SPHKAP: variants seen among roughly 807,000 people sequenced by gnomAD.
SPHKAP encodes the protein A-kinase anchor protein SPHKAP.
A neutral mutation model predicts 137.5 loss-of-function variants in SPHKAP; 67 were observed. That is an observed-to-expected ratio of 0.49 (90% CI 0.40 to 0.60). The LOEUF is 0.60. Among genes scored for constraint, SPHKAP ranks in the 20% least tolerant of loss-of-function variants. The pLI is 0.00. For missense variants in SPHKAP, 2,097 were observed against 2,069.3 expected, an observed-to-expected ratio of 1.01 and a Z score of -0.26; for synonymous variants, 813 against 785.3, an observed-to-expected ratio of 1.04 and a Z score of -0.59.
chr2:228,104,138 C>T (rs990842856), intron 3 of SPHKAP, among the ~76,000 whole-genome samples: 5 of 149,772 alleles, frequency 3.3e-5, no homozygotes, highest in Admixed American at 6.7e-5. Flanking sequence ...TTCTTGAAAA[C>T]TTCATAACTA....
At chr2:228,162,862 CTAATTTTTG>C (rs1194125565) in intron 1 of SPHKAP, among the ~76,000 whole-genome samples, 1 of 149,426 alleles carries the variant, frequency 6.7e-6, no homozygotes, top group Non-Finnish European at 1.5e-5. Flanking sequence ...CCACACCTGG[CTAATTTTTG>C]TAATTTTAGT....
chr2:228,024,677 T>G (rs1157538800), intron 5 of SPHKAP, among the ~76,000 whole-genome samples: 1 of 152,142 alleles, frequency 6.6e-6, no homozygotes, highest in Non-Finnish European at 1.5e-5. Flanking sequence ...GAAGAACAAT[T>G]TGTGGAAAAC....
intron 5 of SPHKAP, among the ~76,000 whole-genome samples, chr2:228,024,857 G>A (rs894127579): frequency 2.6e-5 from 4 of 152,104 alleles, no homozygotes; most frequent in African/African-American, 9.7e-5. Context: ...AATGATAATA[G>A]TAGTATTTTA....
chr2:228,108,992 A>C, intron 2 of SPHKAP, 53 bp from the exon 3 acceptor site: 2 of 1,137,192 alleles, frequency 1.8e-6, no homozygotes, highest in Non-Finnish European at 2.5e-6. Flanking sequence ...TTCTATCTAA[A>C]CAGCAGCTCT....
chr2:228,039,499 ACT>A (rs1417637329), intron 3 of SPHKAP, among the ~76,000 whole-genome samples: 4 of 152,208 alleles, frequency 2.6e-5, no homozygotes, highest in East Asian at 1.9e-4. Flanking sequence ...CTTATTTATG[ACT>A]CTCTTTTCAT....
intron 1 of SPHKAP, among the ~76,000 whole-genome samples, chr2:228,147,485 A>G (rs1411943684): frequency 1.3e-5 from 2 of 152,232 alleles, no homozygotes; most frequent in Non-Finnish European, 2.9e-5. Flanking sequence ...ACCTGAGAAG[A>G]CTGGCAGTTA....
chr2:228,166,588 T>C (rs1017497603), intron 1 of SPHKAP, among the ~76,000 whole-genome samples: 3 of 152,194 alleles, frequency 2.0e-5, no homozygotes, highest in African/African-American at 7.2e-5. Context: ...TATCATATCT[T>C]CTCCTTTCCT....
At chr2:228,154,481 A>ACTCTCTCTCTCTCTCT (rs371642332) in intron 1 of SPHKAP, among the ~76,000 whole-genome samples, 6 of 47,210 alleles carry the variant, frequency 1.3e-4, no homozygotes, top group African/African-American at 4.5e-4. Flanking sequence ...TTGTAAATAA[A>ACTCTCTCTCTCTCTCT]CTCTCTCTCT....
At chr2:227,999,914 T>C (rs1213438931) in intron 7 of SPHKAP, among the ~76,000 whole-genome samples, 1 of 152,214 alleles carries the variant, frequency 6.6e-6, no homozygotes, top group African/African-American at 2.4e-5. Flanking sequence ...ATCTAATCTC[T>C]CAGTTGGCAG....
intron 3 of SPHKAP, among the ~76,000 whole-genome samples, chr2:228,046,314 G>C: frequency 5.0e-5 from 2 of 40,300 alleles, no homozygotes; most frequent in Admixed American, 6.4e-4. Flanking sequence ...TTTTTTTTTG[G>C]TCTCTGTTGG....
chr2:228,135,607 G>T (rs1290802415), intron 1 of SPHKAP, among the ~76,000 whole-genome samples: 1 of 152,156 alleles, frequency 6.6e-6, no homozygotes, highest in African/African-American at 2.4e-5. Flanking sequence ...TACAATCCTA[G>T]TTGAAAACGA....
intron 3 of SPHKAP, among the ~76,000 whole-genome samples, chr2:228,083,210 C>G (rs1468775695): frequency 6.6e-6 from 1 of 152,214 alleles, no homozygotes; most frequent in African/African-American, 2.4e-5. Context: ...TTCACTCTTC[C>G]TACACATTTC....
chr2:227,987,054 A>C (rs1156480116), intron 11 of SPHKAP, among the ~76,000 whole-genome samples: 1 of 152,204 alleles, frequency 6.6e-6, no homozygotes, highest in African/African-American at 2.4e-5. Flanking sequence ...CTTTAAGGCC[A>C]CCTCAAATTC....
chr2:228,001,847 G>T (rs1051866823), intron 7 of SPHKAP, among the ~76,000 whole-genome samples: 1 of 151,960 alleles, frequency 6.6e-6, no homozygotes, highest in Non-Finnish European at 1.5e-5. Flanking sequence ...GCAATAGTTT[G>T]CTGAGAATGA....
chr2:228,053,953 T>G (rs115515464), intron 3 of SPHKAP, among the ~76,000 whole-genome samples: 54 of 152,350 alleles, frequency 3.5e-4, no homozygotes, highest in African/African-American at 1.3e-3. Context: ...TAATCACCTA[T>G]GTTTAGTGCA....
At chr2:228,092,510 A>ATATGTGCCATATATATGTGTATAT (rs1462833346) in intron 3 of SPHKAP, among the ~76,000 whole-genome samples, 9 of 62,098 alleles carry the variant, frequency 1.4e-4, no homozygotes, top group Non-Finnish European at 2.6e-4. Flanking sequence ...ATGTATACAT[A>ATATGTGCCATATATATGTGTATAT]TATGTGCCAT....
At chr2:228,094,876 T>C (rs7589603) in intron 3 of SPHKAP, among the ~76,000 whole-genome samples, 152,271 of 152,278 alleles carry the variant, frequency 1, 76,132 homozygotes, top group Non-Finnish European at 1. Context: ...AGCGACTTTT[T>C]GAGGTTGCTG....
intron 2 of SPHKAP, among the ~76,000 whole-genome samples, chr2:228,113,603 A>ATCTCTCTCTCTC (rs139499722): frequency 0.017 from 1,630 of 97,876 alleles, 120 homozygotes; most frequent in Non-Finnish European, 0.021. Context: ...GCATTTAGCC[A>ATCTCTCTCTCTC]TCTCTCTCTC....
chr2:228,165,131 G>C (rs1574912268), intron 1 of SPHKAP, among the ~76,000 whole-genome samples: 1 of 151,110 alleles, frequency 6.6e-6, no homozygotes, highest in Admixed American at 6.6e-5. Flanking sequence ...TCTCTATAAA[G>C]AGACTTGTTT....
Sources: gnomAD v4.1 joint callset for allele counts (sites outside exome capture counted in the v4.1 genomes callset) on GRCh38, gnomAD v4.1.1 for gene constraint, MANE v1.5 for transcripts, NCBI Gene and HGNC (gene_info 2026-07-23, HGNC 2026-07-21) for gene names.